Variants in NYAP2 observed in about 807,000 individuals in gnomAD.
NYAP2 encodes neuronal tyrosine-phosphorylated phosphoinositide-3-kinase adaptor 2.
A neutral mutation model predicts 50.4 loss-of-function variants in NYAP2; 23 were observed. The observed-to-expected ratio is 0.46, with a 90% CI of 0.33 to 0.65. The LOEUF (loss-of-function observed/expected upper bound fraction) is 0.65. NYAP2 is among the 30% of genes least tolerant of loss of function. The probability of loss-of-function intolerance (pLI) is 0.02; values close to 1 mark genes in which losing one functional copy is unlikely to be tolerated. For missense variants in NYAP2, 885 were observed against 861.0 expected (o/e 1.03, Z -0.35); for synonymous variants, 394 against 365.2 (o/e 1.08, Z -0.90).
chr2:225,492,782 C>T (rs535461049), intron 3 of NYAP2, among the ~76,000 whole-genome samples: 1 of 152,150 alleles, frequency 6.6e-6, no homozygotes, highest in South Asian at 2.1e-4. Flanking sequence ...ATACTTTTAA[C>T]AACCAGATCT....
At chr2:225,611,347 C>T (rs1431072) in intron 5 of NYAP2, among the ~76,000 whole-genome samples, 5,720 of 152,098 alleles carry the variant, frequency 0.038, 356 homozygotes, top group African/African-American at 0.13. Flanking sequence ...CTTTTCTTTG[C>T]TCTCAAACTG....
At chr2:225,427,644 G>T (rs1695306415) in intron 3 of NYAP2, among the ~76,000 whole-genome samples, 1 of 152,120 alleles carries the variant, frequency 6.6e-6, no homozygotes, top group South Asian at 2.1e-4. Flanking sequence ...GTCTTCACAG[G>T]CACTATTGCT....
At chr2:225,609,533 T>G (rs1692844179) in intron 5 of NYAP2, among the ~76,000 whole-genome samples, 1 of 151,788 alleles carries the variant, frequency 6.6e-6, no homozygotes, top group South Asian at 2.1e-4. Flanking sequence ...ATGCAGCGAG[T>G]TCTTAGGTCC....
chr2:225,486,257 G>A (rs1352827978), intron 3 of NYAP2, among the ~76,000 whole-genome samples: 1 of 152,188 alleles, frequency 6.6e-6, no homozygotes, highest in Non-Finnish European at 1.5e-5. Context: ...TAAATTAGCA[G>A]TGAGAGGTAG....
chr2:225,438,836 A>C (rs1348334269), intron 3 of NYAP2, among the ~76,000 whole-genome samples: 8 of 152,244 alleles, frequency 5.3e-5, no homozygotes, highest in Non-Finnish European at 1.0e-4. Flanking sequence ...TTCCTGGGAA[A>C]ATAAATACAT....
chr2:225,664,269 G>A, the NYAP2 span, among the ~76,000 whole-genome samples: 2 of 152,106 alleles, frequency 1.3e-5, no homozygotes, highest in African/African-American at 4.8e-5. Flanking sequence ...TTTTTCCAAG[G>A]AGCATGTATG....
At chr2:225,460,566 A>C (rs1029523500) in intron 3 of NYAP2, among the ~76,000 whole-genome samples, 9 of 152,204 alleles carry the variant, frequency 5.9e-5, no homozygotes, top group Admixed American at 2.6e-4. Flanking sequence ...GTAAGAGAGG[A>C]GGGGTTACTT....
the NYAP2 span, among the ~76,000 whole-genome samples, chr2:225,674,864 A>G: frequency 9.2e-5 from 14 of 152,048 alleles, no homozygotes; most frequent in East Asian, 3.9e-4. Context: ...AGGGAATTTG[A>G]AAAGGGGGTG....
chr2:225,700,582 A>G, the NYAP2 span: 1 of 151,984 alleles, frequency 6.6e-6, no homozygotes, highest in South Asian at 2.1e-4. Flanking sequence ...GAATGGAAAT[A>G]AAATGTGTTT....
At chr2:225,643,778 A>AT (rs1444729948) in intron 6 of NYAP2, among the ~76,000 whole-genome samples, 2 of 151,848 alleles carry the variant, frequency 1.3e-5, no homozygotes, top group South Asian at 4.2e-4. Flanking sequence ...AGAACTCATC[A>AT]TTTTTTATGG....
intron 5 of NYAP2, among the ~76,000 whole-genome samples, chr2:225,604,305 T>C (rs1042008693): frequency 2.6e-5 from 4 of 152,148 alleles, no homozygotes; most frequent in Non-Finnish European, 4.4e-5. Flanking sequence ...GTACGTTTCC[T>C]TTTTTGGCTT....
intron 5 of NYAP2, among the ~76,000 whole-genome samples, chr2:225,620,706 C>T (rs1176837234): frequency 6.6e-6 from 1 of 152,112 alleles, no homozygotes; most frequent in Non-Finnish European, 1.5e-5. Flanking sequence ...TGAAGACTAA[C>T]CTCTGGGACT....
intron 5 of NYAP2, among the ~76,000 whole-genome samples, chr2:225,593,718 C>A (rs1352797311): frequency 6.6e-6 from 1 of 152,198 alleles, no homozygotes; most frequent in Non-Finnish European, 1.5e-5. Context: ...CCAATACAAT[C>A]TTTCCCCAAG....
the NYAP2 span, among the ~76,000 whole-genome samples, chr2:225,671,303 T>C: frequency 6.6e-6 from 1 of 152,178 alleles, no homozygotes; most frequent in Non-Finnish European, 1.5e-5. Flanking sequence ...TTATGTGATA[T>C]TCTAAATCCT....
chr2:225,639,455 T>A (rs1292149466), intron 6 of NYAP2, among the ~76,000 whole-genome samples: 2 of 152,188 alleles, frequency 1.3e-5, no homozygotes. Flanking sequence ...TGGGCTGGTA[T>A]CATTATCTGA....
intron 3 of NYAP2, among the ~76,000 whole-genome samples, chr2:225,512,831 C>CTTTCTT (rs549251468): frequency 0.047 from 3,672 of 77,496 alleles, 145 homozygotes; most frequent in South Asian, 0.077. Flanking sequence ...CTCTCTCTCT[C>CTTTCTT]TCTCTCTTTC....
the NYAP2 span, among the ~76,000 whole-genome samples, chr2:225,670,361 G>A: frequency 1.3e-5 from 2 of 152,050 alleles, no homozygotes; most frequent in African/African-American, 4.8e-5. Flanking sequence ...TTCCTTTGGA[G>A]ACCTTTAAAA....
chr2:225,548,288 T>C (rs1219843634), intron 4 of NYAP2, among the ~76,000 whole-genome samples: 1 of 149,840 alleles, frequency 6.7e-6, no homozygotes, highest in Non-Finnish European at 1.5e-5. Flanking sequence ...ATAGTTATTT[T>C]TCCTTAACTC....
intron 3 of NYAP2, among the ~76,000 whole-genome samples, chr2:225,505,552 A>G (rs1317730233): frequency 6.6e-6 from 1 of 152,232 alleles, no homozygotes; most frequent in Admixed American, 6.5e-5. Context: ...ATAGTGTTAA[A>G]TAGGAGGGAT....
Sources: allele counts gnomAD v4.1 joint callset (sites outside exome capture counted in the v4.1 genomes callset), GRCh38; gene constraint gnomAD v4.1.1; transcripts MANE v1.5; gene names NCBI Gene and HGNC (gene_info 2026-07-23, HGNC 2026-07-21).